Variants in ZCCHC14 observed in about 807,000 individuals in gnomAD.
ZCCHC14 encodes the protein zinc finger CCHC-type containing 14, also known as zinc finger CCHC domain-containing protein 14.
ZCCHC14 carries 16 observed loss-of-function variants against 85.0 expected under a neutral mutation model. The ratio of observed to expected loss-of-function variants is 0.19; its 90% CI spans 0.13 to 0.29. The LOEUF (loss-of-function observed/expected upper bound fraction) is 0.29, where lower values mean the gene tolerates loss of function less well. ZCCHC14 is among the 10% of genes least tolerant of loss of function. ZCCHC14 has a pLI of 1.00. For missense variants in ZCCHC14, 1,303 were observed against 1,443.5 expected (o/e 0.90, Z 1.58); for synonymous variants, 775 against 630.7 (o/e 1.23, Z -3.43).
At chr16:87,468,054 G>A (rs1395973223) in intron 1 of ZCCHC14, among the ~76,000 whole-genome samples, 1 of 152,102 alleles carries the variant, frequency 6.6e-6, no homozygotes, top group Non-Finnish European at 1.5e-5. Context: ...TTTTTCTAAT[G>A]GCTATTTCAA....
At chr16:87,450,939 C>T (rs1395276070) in intron 2 of ZCCHC14, among the ~76,000 whole-genome samples, 1 of 152,108 alleles carries the variant, frequency 6.6e-6, no homozygotes, top group African/African-American at 2.4e-5. Flanking sequence ...GCTCTTGTTG[C>T]CCAAGCTGGA....
At chr16:87,465,920 C>T (rs1911497740) in intron 1 of ZCCHC14, among the ~76,000 whole-genome samples, 2 of 152,138 alleles carry the variant, frequency 1.3e-5, no homozygotes, top group Admixed American at 1.3e-4. Context: ...CCCGCCTTAG[C>T]TGGGATTACA....
chr16:87,436,016 A>G (rs1909903494), intron 2 of ZCCHC14, among the ~76,000 whole-genome samples: 1 of 152,226 alleles, frequency 6.6e-6, no homozygotes, highest in African/African-American at 2.4e-5. Context: ...TTACTTTTTT[A>G]AACAACATAT....
At chr16:87,414,241 G>A (rs1349944975) in intron 10 of ZCCHC14, among the ~76,000 whole-genome samples, 173 bp downstream of exon 10, 3 of 151,590 alleles carry the variant, frequency 2.0e-5, no homozygotes, top group Non-Finnish European at 2.9e-5. Flanking sequence ...CCGGCACACC[G>A]GCCCTCTCTG....
chr16:87,441,874 G>A (rs534666689), intron 2 of ZCCHC14, among the ~76,000 whole-genome samples: 42 of 152,310 alleles, frequency 2.8e-4, no homozygotes, highest in African/African-American at 9.9e-4. Flanking sequence ...GAGCAGCAAC[G>A]AAAGCCCCTG....
chr16:87,424,127 T>C (rs1297431198), intron 3 of ZCCHC14, among the ~76,000 whole-genome samples: 2 of 152,050 alleles, frequency 1.3e-5, no homozygotes, highest in South Asian at 2.1e-4. Context: ...TACTCCAGAG[T>C]GGGGTCTACA....
In ZCCHC14 at chr16:87,412,051, T is replaced by C; in HGVS notation, c.2670A>G (p.Thr890=). The part of the protein sequence containing the change: ...FYSSSGGGGS[T]GNIPASNPNH... ...TCGGATTCGAGGCAGGAATGTTTCC[T>C]GTGGAGCCGCCACCGCCACTGCTGC... Residue 890 remains threonine (T), a synonymous_variant, in exon 12 of 13, where the codon ACA becomes ACG. Transcript: ENST00000671377. 6.2e-7 allele frequency: 1 copy of C among 1,609,218 alleles called. No homozygotes were observed. The highest frequency in any genetic ancestry group is 1.1e-5 in the South Asian group (1 of 91,040).
chr16:87,491,658 C>A lies in ZCCHC14; in HGVS notation c.570+11G>T. ...TTGGGGTACAGGGCAGAGCTCGGGG[C>A]GGGCACGCACCTTGTGGCAGGCTGG... is the stretch of plus-strand genomic sequence containing the variant. On this transcript the variant is annotated intron_variant, in intron 1 of 12. Transcript: ENST00000671377. The surrounding 1 kb of genome is among the most constrained non-coding windows in gnomAD (Gnocchi z 5.9). The A allele has an allele frequency of 1.4e-6, 2 of 1,395,350 alleles. No individual in the cohort carries two copies. Among genetic ancestry groups the A allele is most frequent in the Non-Finnish European group, 1.9e-6 (2 of 1,079,736 alleles). The allele number at this position is 1,395,350 out of a possible 1,614,324, so 86.4% of individuals were successfully genotyped here. A position where few individuals can be genotyped will look rare whatever the true frequency, so the allele number is the denominator to read the frequency against.
chr16:87,450,906 T>C (rs1360302785), intron 2 of ZCCHC14, among the ~76,000 whole-genome samples: 4 of 151,848 alleles, frequency 2.6e-5, no homozygotes, highest in Admixed American at 1.3e-4. Context: ...CTTTTCCTTT[T>C]CTTTTTTTTG....
chr16:87,433,663 T>G (rs923808478), intron 2 of ZCCHC14, among the ~76,000 whole-genome samples: 8 of 152,102 alleles, frequency 5.3e-5, no homozygotes, highest in Admixed American at 3.9e-4. Context: ...CTATGTATTT[T>G]CTTCTTTTTT....
intron 3 of ZCCHC14, among the ~76,000 whole-genome samples, chr16:87,425,611 AAAG>A (rs1269140173): frequency 6.6e-6 from 1 of 152,058 alleles, no homozygotes; most frequent in Non-Finnish European, 1.5e-5. Context: ...AAAGAAAAGA[AAAG>A]AAAATGTTTG....
intron 2 of ZCCHC14, among the ~76,000 whole-genome samples, chr16:87,452,515 C>T (rs938767223): frequency 6.6e-6 from 1 of 151,928 alleles, no homozygotes; most frequent in Non-Finnish European, 1.5e-5. Context: ...TACAGAAGAG[C>T]GCTATCGGGA....
At chr16:87,441,702 T>C (rs938982711) in intron 2 of ZCCHC14, among the ~76,000 whole-genome samples, 15 of 152,238 alleles carry the variant, frequency 9.9e-5, no homozygotes, top group African/African-American at 3.6e-4. Context: ...AAATAATTCA[T>C]CAATAAATAG....
intron 2 of ZCCHC14, among the ~76,000 whole-genome samples, chr16:87,458,960 G>A (rs1911116566): frequency 6.6e-6 from 1 of 152,046 alleles, no homozygotes; most frequent in Admixed American, 6.6e-5. Context: ...TATTTTACCG[G>A]GTATGCATTA....
chr16:87,411,486 C>T (rs1342670319), intron 12 of ZCCHC14, 30 bp downstream of exon 12: 2 of 1,610,314 alleles, frequency 1.2e-6, no homozygotes, highest in Non-Finnish European at 1.7e-6. Flanking sequence ...CTGCGGGAGC[C>T]TGGTGGGCGC....
chr16:87,417,150 G>C (rs1451024175), intron 8 of ZCCHC14, among the ~76,000 whole-genome samples: 1 of 152,214 alleles, frequency 6.6e-6, no homozygotes, highest in Non-Finnish European at 1.5e-5. Context: ...GGGGCACCGT[G>C]CCAGAGCTCA....
intron 2 of ZCCHC14, among the ~76,000 whole-genome samples, chr16:87,456,033 G>A (rs186582688): frequency 5.3e-5 from 8 of 152,278 alleles, no homozygotes; most frequent in African/African-American, 1.4e-4. Context: ...GCATCTATGC[G>A]GTAAAATGGA....
At chr16:87,456,533 CAAAAAAAAAAAA>C (rs60817141) in intron 2 of ZCCHC14, among the ~76,000 whole-genome samples, 35 of 63,368 alleles carry the variant, frequency 5.5e-4, no homozygotes, top group Admixed American at 9.7e-4. Context: ...ACTCTGTCTC[CAAAAAAAAAAAA>C]AAAAAAAAAA....
chr16:87,440,832 C>G (rs1910148146), intron 2 of ZCCHC14, among the ~76,000 whole-genome samples: 1 of 151,406 alleles, frequency 6.6e-6, no homozygotes. Flanking sequence ...GCTGCTTGCT[C>G]TGGAACTCCT....
Sources: allele counts gnomAD v4.1 joint callset (sites outside exome capture counted in the v4.1 genomes callset), GRCh38; gene constraint gnomAD v4.1.1; non-coding constraint Gnocchi (gnomAD v3.1); transcripts MANE v1.5; gene names NCBI Gene and HGNC (gene_info 2026-07-23, HGNC 2026-07-21).